Variants in EFCAB13 observed in about 807,000 individuals in gnomAD.
EFCAB13 encodes EF-hand calcium-binding domain-containing protein 13.
Under a neutral mutation model 110.2 loss-of-function variants are expected in EFCAB13, and 91 were observed. The ratio of observed to expected loss-of-function variants is 0.83; its 90% CI spans 0.70 to 0.98. EFCAB13 has a LOEUF of 0.98. Ranked by LOEUF, EFCAB13 falls within the 50% of genes least tolerant of loss-of-function variation. The probability of loss-of-function intolerance (pLI) is 0.00; values close to 1 mark genes in which losing one functional copy is unlikely to be tolerated. For missense variants in EFCAB13, 968 were observed against 1,119.4 expected (o/e 0.86, Z 1.93); for synonymous variants, 323 against 369.9 (o/e 0.87, Z 1.45).
intron 22 of EFCAB13, among the ~76,000 whole-genome samples, chr17:47,413,591 T>G (rs1904325586): frequency 6.6e-6 from 1 of 152,178 alleles, no homozygotes; most frequent in African/African-American, 2.4e-5. Flanking sequence ...GTTATTGATT[T>G]TGCCAGGTTC....
chr17:47,329,711 G>GCTT (rs2065308806), intron 4 of EFCAB13: 1 of 151,996 alleles, frequency 6.6e-6, no homozygotes, highest in Non-Finnish European at 1.5e-5. Context: ...TGTGTCAAAA[G>GCTT]CTTCTACTCT....
intron 16 of EFCAB13, among the ~76,000 whole-genome samples, chr17:47,394,383 GAAAA>G (rs1167446989): frequency 6.6e-6 from 1 of 152,136 alleles, no homozygotes; most frequent in Admixed American, 6.5e-5. Flanking sequence ...TCGTTTTGGG[GAAAA>G]GATTTAAAAT....
In EFCAB13 at chr17:47,328,258, T is replaced by G; in HGVS notation, c.-85-11T>G. The G allele has an allele frequency of 9.2e-7, 1 of 1,082,788 alleles. No homozygotes were observed. The highest frequency in any genetic ancestry group is 1.3e-5 in the South Asian group (1 of 75,814). 67.1% of individuals were successfully genotyped at this position (1,082,788 alleles called of 1,614,324 possible). A position where few individuals can be genotyped will look rare whatever the true frequency, so the allele number is the denominator to read the frequency against. ...CAAGCGTATGATTTCTTCTTTCTCT[T>G]TTTTTGGCAGGAAATCCTTTTGTAC... is the stretch of plus-strand genomic sequence containing the variant. On this transcript the variant is annotated splice_polypyrimidine_tract_variant and intron_variant, in intron 3 of 24. Coordinates refer to ENST00000331493, the MANE Select transcript of EFCAB13 (RefSeq NM_152347.5).
intron 20 of EFCAB13, among the ~76,000 whole-genome samples, chr17:47,407,800 C>G (rs1024957210): frequency 6.6e-6 from 1 of 152,058 alleles, no homozygotes; most frequent in Admixed American, 6.5e-5. Context: ...CATGGGCTTT[C>G]TGGTCCAAAT....
At chr17:47,423,598 C>T (rs1181268701) in intron 23 of EFCAB13, 2 of 341,898 alleles carry the variant, frequency 5.8e-6, no homozygotes, top group African/African-American at 2.2e-5. Context: ...TGGGAACCCG[C>T]GACGGCCGCC....
intron 24 of EFCAB13, among the ~76,000 whole-genome samples, chr17:47,436,380 TCTG>T (rs1395306607): frequency 6.6e-6 from 1 of 152,148 alleles, no homozygotes; most frequent in Admixed American, 6.5e-5. Flanking sequence ...CTAGTAGAAT[TCTG>T]CTGTGAATCA....
intron 10 of EFCAB13, among the ~76,000 whole-genome samples, chr17:47,367,650 C>T (rs997096394): frequency 6.6e-6 from 1 of 152,132 alleles, no homozygotes; most frequent in Non-Finnish European, 1.5e-5. Context: ...CAAGAACACC[C>T]ACTACGTTTC....
At chr17:47,432,324 G>A (rs1905131331) in intron 24 of EFCAB13, among the ~76,000 whole-genome samples, 1 of 151,962 alleles carries the variant, frequency 6.6e-6, no homozygotes, top group South Asian at 2.1e-4. Flanking sequence ...TGTGAACCCG[G>A]GAGGTGGAGC....
rs569702911 is a variant in EFCAB13, at chr17:47,409,036, C to G, written c.2234-611C>G. On this transcript the variant is annotated intron_variant, in intron 20 of 24. Transcript: ENST00000331493. ...ATATAATTTATGTGTATTCTAACCT[C>G]TGTTTGTTTCAGGGTAATACCTGGG... is the stretch of plus-strand genomic sequence containing the variant. Among the ~76,000 whole-genome samples, 154 of 152,228 alleles carry G rather than the reference C, an allele frequency of 1.0e-3. 1 individual carries two copies. Among genetic ancestry groups the G allele is most frequent in the African/African-American group, 3.6e-3 (149 of 41,538 alleles).
chr17:47,421,059 G>A (rs1423058855), intron 23 of EFCAB13, among the ~76,000 whole-genome samples: 2 of 151,628 alleles, frequency 1.3e-5, no homozygotes, highest in Non-Finnish European at 2.9e-5. Context: ...CACCCCGCCC[G>A]GGAGGTGAGG....
At chr17:47,328,054 A>G (rs1283289046) in intron 3 of EFCAB13, 4 of 469,958 alleles carry the variant, frequency 8.5e-6, no homozygotes, top group Non-Finnish European at 1.5e-5. Flanking sequence ...GGATTTCTCA[A>G]ACCACAAAAG....
intron 11 of EFCAB13, among the ~76,000 whole-genome samples, chr17:47,373,028 CCT>C (rs1162970871): frequency 6.6e-6 from 1 of 152,050 alleles, no homozygotes; most frequent in Admixed American, 6.6e-5. Context: ...TTTCTCTTCT[CCT>C]TCATAAACTC....
At chr17:47,357,025 GGCCTCACCCA>G (rs1282254169) in intron 9 of EFCAB13, among the ~76,000 whole-genome samples, 1 of 152,198 alleles carries the variant, frequency 6.6e-6, no homozygotes, top group African/African-American at 2.4e-5. Flanking sequence ...AGCAGCGATA[GGCCTCACCCA>G]GCTTCCACGC....
At position 47,335,285 on chromosome 17, in the gene EFCAB13, C is replaced by G; in HGVS notation, c.120C>G (p.Ile40Met). ...SSGTINHKKY[I>M]KFSKTIEKEI... Reference sequence around the variant, plus strand: ...GAACTATTAACCACAAGAAATACATCAAGTTTTCTAAAACAATAGAGAAGG... The same window carrying G: ...GAACTATTAACCACAAGAAATACATGAAGTTTTCTAAAACAATAGAGAAGG... Residue 40 changes from isoleucine (I) to methionine (M), a missense_variant, in exon 5 of 25, where the codon ATC becomes ATG. By Grantham distance (10) the Ile-to-Met change is conservative (BLOSUM62 1). Coordinates refer to ENST00000331493, the MANE Select transcript of EFCAB13 (RefSeq NM_152347.5). 6.2e-7 allele frequency: 1 copy of G among 1,610,910 alleles called. No individual in the cohort carries two copies. Among genetic ancestry groups the G allele is most frequent in the Non-Finnish European group, 8.5e-7 (1 of 1,178,906 alleles).
Position 47,340,766 on chromosome 17 carries a change from ATTTTT to A in EFCAB13, c.192-1130_192-1126del, listed in dbSNP as rs58304526. On this transcript the variant is annotated intron_variant, in intron 5 of 24. Transcript: ENST00000331493. ...AGGCGTGCACCACCACACCTGGCTAATTTTTTTTTTTTTTTTTTTTTTTTTTTTTA... is the reference window on the plus strand; with the variant it reads ...AGGCGTGCACCACCACACCTGGCTAATTTTTTTTTTTTTTTTTTTTTTTTA... Among the ~76,000 whole-genome samples, 31 of 54,008 alleles carry A rather than the reference ATTTTT, an allele frequency of 5.7e-4. No homozygotes were observed. The South Asian group carries it at 0.017, about 30-fold the overall frequency. 35.4% of individuals were successfully genotyped at this position (54,008 alleles called of 152,430 possible).
rs1442447108 is a variant in EFCAB13 at position 47,432,628 on chromosome 17, C to T, written c.2638+2667C>T. On this transcript the variant is annotated intron_variant, in intron 24 of 24. Transcript: ENST00000331493. ...AATCATCCAAATTAATAGAACATTT[C>T]ATTATAAAGTATTCATATTTGTTTT... Among the ~76,000 whole-genome samples the T allele has an allele frequency of 3.9e-5, 6 of 152,108 alleles. No homozygotes were observed. The East Asian group carries it at 9.6e-4, about 24-fold the overall frequency.
chr17:47,404,101 A>G lies in EFCAB13; in HGVS notation c.2161+80A>G. 2.7e-6 allele frequency: 3 copies of G among 1,110,790 alleles called. No homozygotes were observed. In the South Asian group the frequency reaches 5.5e-5, roughly 20 times the overall value. 68.8% of individuals were successfully genotyped at this position (1,110,790 alleles called of 1,614,324 possible). A position where few individuals can be genotyped will look rare whatever the true frequency, so the allele number is the denominator to read the frequency against. On this transcript the variant is annotated intron_variant, in intron 19 of 24. Coordinates refer to ENST00000331493, the MANE Select transcript of EFCAB13 (RefSeq NM_152347.5). ...GTGCAAGGTCTATAGGTATTTGCTT[A>G]TGTTACTATAAATGTAATCTTTGAA...
At chr17:47,328,646 A>G in intron 4 of EFCAB13, 1 of 354,000 alleles carries the variant, frequency 2.8e-6, no homozygotes, top group Admixed American at 4.6e-5. Flanking sequence ...ATTTTTGTGG[A>G]GATCAAAAGG....
intron 5 of EFCAB13, among the ~76,000 whole-genome samples, chr17:47,337,064 A>G (rs1218293679): frequency 6.6e-6 from 1 of 152,156 alleles, no homozygotes; most frequent in Non-Finnish European, 1.5e-5. Flanking sequence ...ATTTAATCTA[A>G]CATTTTCACC....
Sources: gnomAD v4.1 joint callset for allele counts (sites outside exome capture counted in the v4.1 genomes callset) on GRCh38, gnomAD v4.1.1 for gene constraint, MANE v1.5 for transcripts, NCBI Gene and HGNC (gene_info 2026-07-23, HGNC 2026-07-21) for gene names.